UBE2E1: variants seen among roughly 807,000 people sequenced by gnomAD.
The protein encoded by UBE2E1 is ubiquitin-conjugating enzyme E2 E1.
A neutral mutation model predicts 21.4 loss-of-function variants in UBE2E1; 6 were observed. That is an observed-to-expected ratio of 0.28 (90% confidence interval 0.15 to 0.55). The LOEUF (loss-of-function observed/expected upper bound fraction) is 0.55. Among genes scored for constraint, UBE2E1 ranks in the 20% least tolerant of loss-of-function variants. The pLI is 0.93. For synonymous variants in UBE2E1, 87 were observed against 82.7 expected, an observed-to-expected ratio of 1.05 and a Z score of -0.28; for missense variants, 142 against 236.5, an observed-to-expected ratio of 0.60 and a Z score of 2.62.
At chr3:23,841,650 T>C (rs1700089154) in intron 3 of UBE2E1, among the ~76,000 whole-genome samples, 1 of 152,278 alleles carries the variant, frequency 6.6e-6, no homozygotes, top group Non-Finnish European at 1.5e-5. Flanking sequence ...TACTTTTTCA[T>C]GTATCATGCC....
intron 3 of UBE2E1, among the ~76,000 whole-genome samples, chr3:23,840,704 C>T (rs577183183): frequency 2.0e-5 from 3 of 152,152 alleles, no homozygotes; most frequent in African/African-American, 7.2e-5. Context: ...CCTGGCATTG[C>T]GTAGTGTCCT....
chr3:23,856,229 C>T (rs748627084), intron 3 of UBE2E1, among the ~76,000 whole-genome samples: 1 of 152,062 alleles, frequency 6.6e-6, no homozygotes, highest in Non-Finnish European at 1.5e-5. Flanking sequence ...AGGGTTTCAC[C>T]ATATTGGCCA....
At position 23,863,317 on chromosome 3, in the gene UBE2E1, G is replaced by A. The variant is rs1265139613; in HGVS notation, c.204-24250G>A. Among the ~76,000 whole-genome samples the A allele has an allele frequency of 6.6e-6, 1 of 151,962 alleles. No individual in the cohort carries two copies. Among genetic ancestry groups the A allele is most frequent in the African/African-American group, 2.4e-5 (1 of 41,368 alleles). ...AATATTCACTGTTTATATTATGTGAGCATTATTCACATGTGGTTACTTTTC... is the reference window on the plus strand; with the variant it reads ...AATATTCACTGTTTATATTATGTGAACATTATTCACATGTGGTTACTTTTC... On this transcript the variant is annotated intron_variant, in intron 3 of 5. Transcript: ENST00000306627. The surrounding 1 kb of genome is among the most constrained non-coding windows in gnomAD (Gnocchi z 4.3).
chr3:23,877,047 T>C (rs866550799), intron 3 of UBE2E1, among the ~76,000 whole-genome samples: 28 of 152,296 alleles, frequency 1.8e-4, no homozygotes, highest in African/African-American at 5.3e-4. Flanking sequence ...TTGGTATTCA[T>C]TGCTCTTAAT....
At chr3:23,848,490 CAAA>C (rs1700256519) in intron 3 of UBE2E1, among the ~76,000 whole-genome samples, 1 of 149,988 alleles carries the variant, frequency 6.7e-6, no homozygotes, top group Non-Finnish European at 1.5e-5. Context: ...AAACAAAAAA[CAAA>C]AAACTTTAGC....
rs200624419 is a variant in UBE2E1 at position 23,860,468 on chromosome 3, TGA to T, written c.204-27093_204-27092del. On this transcript the variant is annotated intron_variant, in intron 3 of 5. Transcript: ENST00000306627. Reference sequence around the variant, plus strand: ...ACAATGACTTTAGTTAACAAAATTCTGAGAGAGGTACAATTAGTAGTCAGAAA... The same window carrying T: ...ACAATGACTTTAGTTAACAAAATTCTGAGAGGTACAATTAGTAGTCAGAAA... Among the ~76,000 whole-genome samples, 655 of 152,288 alleles carry T rather than the reference TGA, an allele frequency of 4.3e-3. 16 individuals are homozygous for T. In the East Asian group the frequency reaches 0.049, roughly 11 times the overall value.
intron 3 of UBE2E1, among the ~76,000 whole-genome samples, chr3:23,839,300 A>G (rs948186639): frequency 1.5e-4 from 23 of 151,860 alleles, no homozygotes; most frequent in African/African-American, 5.3e-4. Flanking sequence ...TGTCTCTACT[A>G]AAAATACAAA....
intron 3 of UBE2E1, among the ~76,000 whole-genome samples, chr3:23,843,310 A>G (rs1700132831): frequency 6.6e-6 from 1 of 152,210 alleles, no homozygotes; most frequent in Non-Finnish European, 1.5e-5. Flanking sequence ...TTAGCATATA[A>G]TATGTGTTAA....
Position 23,887,562 on chromosome 3 carries a change from C to T in UBE2E1, c.204-5C>T, listed in dbSNP as rs1039857479. 2 of 1,602,606 alleles carry T rather than the reference C, an allele frequency of 1.2e-6. No individual in the cohort carries two copies. Among genetic ancestry groups the T allele is most frequent in the African/African-American group, 2.7e-5 (2 of 74,096 alleles). On this transcript the variant is annotated splice_region_variant and splice_polypyrimidine_tract_variant and intron_variant, in intron 3 of 5. Coordinates refer to ENST00000306627, the MANE Select transcript of UBE2E1 (RefSeq NM_003341.5). This position sits in a 1 kb window ranked among gnomAD's most constrained non-coding sequence, Gnocchi z 4.4. Reference sequence around the variant, plus strand: ...TCTGCTTATTTGTTGACGTATTATTCACAGTGCTGGTCCCAAAGGCGATAA... The same window carrying T: ...TCTGCTTATTTGTTGACGTATTATTTACAGTGCTGGTCCCAAAGGCGATAA...
rs1699288809 is a variant in UBE2E1, at chr3:23,806,915, G to A, written c.-33-322G>A. On this transcript the variant is annotated intron_variant, in intron 1 of 5. Coordinates refer to ENST00000306627, the MANE Select transcript of UBE2E1 (RefSeq NM_003341.5). This position sits in a 1 kb window ranked among gnomAD's most constrained non-coding sequence, Gnocchi z 6.5. ...CCTTCCCTCCCTGCCCCGCCGTGGC[G>A]CCCCGCGCCCCCCGCCCTGCCCTCC... The A allele has an allele frequency of 5.7e-6, 1 of 174,714 alleles. No homozygotes were observed. The highest frequency in any genetic ancestry group is 1.5e-4 in the East Asian group (1 of 6,778). The allele number at this position is 174,714 out of a possible 1,614,324, so 10.8% of individuals were successfully genotyped here.
At chr3:23,838,437 A>C (rs1700015540) in intron 3 of UBE2E1, among the ~76,000 whole-genome samples, 1 of 152,172 alleles carries the variant, frequency 6.6e-6, no homozygotes, top group Non-Finnish European at 1.5e-5. Flanking sequence ...TTTGCTTTTA[A>C]ATTGGAATGG....
Position 23,887,745 on chromosome 3 carries a change from G to T in UBE2E1, c.336+46G>T. On this transcript the variant is annotated intron_variant, in intron 4 of 5. Transcript: ENST00000306627. The surrounding 1 kb of genome is among the most constrained non-coding windows in gnomAD (Gnocchi z 4.4). ...CTCAAATTTACTAATTCCCACAAGA[G>T]AGCAACTGTTGAGGTTTTTCTAAAT... 1.3e-6 allele frequency: 2 copies of T among 1,570,420 alleles called. No homozygotes were observed. Among genetic ancestry groups the T allele is most frequent in the Non-Finnish European group, 1.7e-6 (2 of 1,164,666 alleles).
intron 3 of UBE2E1, among the ~76,000 whole-genome samples, chr3:23,847,756 A>G (rs9873708): frequency 0.39 from 59,919 of 151,854 alleles, 12,314 homozygotes; most frequent in Middle Eastern, 0.56. Flanking sequence ...CGGCCTCCCA[A>G]AGTGCTGGGA....
chr3:23,850,200 T>TA (rs1700293266), intron 3 of UBE2E1, among the ~76,000 whole-genome samples: 1 of 152,176 alleles, frequency 6.6e-6, no homozygotes, highest in Non-Finnish European at 1.5e-5. Flanking sequence ...AAGGTTTCAC[T>TA]ATATTGCCCA....
intron 3 of UBE2E1, among the ~76,000 whole-genome samples, chr3:23,847,882 C>G (rs1700240615): frequency 6.6e-6 from 1 of 152,134 alleles, no homozygotes; most frequent in East Asian, 1.9e-4. Context: ...TTTCCCATTT[C>G]CAGCCCCAAA....
chr3:23,865,122 G>A (rs1426447772), intron 3 of UBE2E1, among the ~76,000 whole-genome samples: 1 of 152,186 alleles, frequency 6.6e-6, no homozygotes, highest in Non-Finnish European at 1.5e-5. Flanking sequence ...TGAGCCCTCT[G>A]CTCAGGGTCT....
intron 3 of UBE2E1, among the ~76,000 whole-genome samples, chr3:23,874,800 A>G (rs1700880922): frequency 1.3e-5 from 2 of 152,142 alleles, no homozygotes; most frequent in South Asian, 4.1e-4. Context: ...GACACAAGGG[A>G]TACTGATCTT....
chr3:23,859,614 G>C (rs1400056368), intron 3 of UBE2E1, among the ~76,000 whole-genome samples: 2 of 152,228 alleles, frequency 1.3e-5, no homozygotes, highest in Non-Finnish European at 2.9e-5. Context: ...TCCAGTCTTT[G>C]CCAGTTAGCA....
intron 3 of UBE2E1, among the ~76,000 whole-genome samples, chr3:23,815,319 T>G (rs1348903776): frequency 6.6e-6 from 1 of 152,230 alleles, no homozygotes; most frequent in African/African-American, 2.4e-5. Flanking sequence ...GAATTTCCAT[T>G]TAGCCTTCTT....
Sources: gnomAD v4.1 joint callset for allele counts (sites outside exome capture counted in the v4.1 genomes callset) on GRCh38, gnomAD v4.1.1 for gene constraint, Gnocchi (gnomAD v3.1) non-coding constraint, MANE v1.5 for transcripts, NCBI Gene and HGNC (gene_info 2026-07-23, HGNC 2026-07-21) for gene names.